The following PCDHGB1 variants were observed in gnomAD, a reference collection of about 807,000 sequenced individuals.
PCDHGB1 encodes the protein protocadherin gamma subfamily B, 1, also known as protocadherin gamma-B1.
PCDHGB1 carries 34 observed loss-of-function variants against 56.6 expected under a neutral mutation model. The observed-to-expected ratio is 0.60, with a 90% CI of 0.46 to 0.80. The LOEUF (loss-of-function observed/expected upper bound fraction) is 0.80, where lower values mean the gene tolerates loss of function less well. PCDHGB1 is among the 30% of genes least tolerant of loss of function. The pLI is 0.00. For synonymous variants in PCDHGB1, 561 were observed against 505.9 expected (o/e 1.11, Z -1.46); for missense variants, 1,278 against 1,204.6 (o/e 1.06, Z -0.90).
In PCDHGB1 at chr5:141,352,498, T is replaced by C; in HGVS notation, c.2238T>C (p.Tyr746=). ...ACCACAGCGAGGGGACTTTGCCCTA[T>C]TCCTACAATCTATGTATTGCCTCTC... ...PPNHSEGTLP[Y]SYNLCIASHS... Residue 746 remains tyrosine (Y), a synonymous_variant, in exon 1 of 4, where the codon TAT becomes TAC. Coordinates refer to ENST00000523390, the MANE Select transcript of PCDHGB1 (RefSeq NM_018922.3). The C allele has an allele frequency of 6.2e-7, 1 of 1,614,030 alleles. No individual in the cohort carries two copies.
At chr5:141,394,785 G>C in intron 1 of PCDHGB1, 2 of 1,613,722 alleles carry the variant, frequency 1.2e-6, no homozygotes, top group South Asian at 2.2e-5. Flanking sequence ...CTCCGCCACT[G>C]TCACGCTCAC....
Position 141,491,478 on chromosome 5 carries a change from C to A in PCDHGB1, c.2410-3329C>A. ...CCCCGGACTTCTATAAGCAGTCCAG[C>A]CCCAACCTGCAGGTGAGCTCGGACG... On this transcript the variant is annotated intron_variant, in intron 1 of 3. Coordinates refer to ENST00000523390, the MANE Select transcript of PCDHGB1 (RefSeq NM_018922.3). The surrounding 1 kb of genome is among the most constrained non-coding windows in gnomAD (Gnocchi z 6.9). 6.2e-7 allele frequency: 1 copy of A among 1,614,068 alleles called. No individual in the cohort carries two copies. Among genetic ancestry groups the A allele is most frequent in the Non-Finnish European group, 8.5e-7 (1 of 1,180,004 alleles).
At chr5:141,354,565 G>A (rs942106227) in intron 1 of PCDHGB1, among the ~76,000 whole-genome samples, 2 of 152,192 alleles carry the variant, frequency 1.3e-5, no homozygotes, top group African/African-American at 2.4e-5. Context: ...GAGGAAACTT[G>A]TTACTGCATA....
intron 1 of PCDHGB1, chr5:141,415,153 G>T: frequency 2.5e-6 from 4 of 1,613,780 alleles, no homozygotes; most frequent in Non-Finnish European, 3.4e-6. Context: ...CCCTCTCTCC[G>T]CCACTGTCAC....
In PCDHGB1 at chr5:141,385,275, A is replaced by G. The variant is rs115152670; in HGVS notation, c.2409+32606A>G. The G allele has an allele frequency of 1.9e-3, 3,011 of 1,613,598 alleles. 48 individuals carry two copies. In the African/African-American group the frequency reaches 0.033, roughly 18 times the overall value. On this transcript the variant is annotated intron_variant, in intron 1 of 3. Coordinates refer to ENST00000523390, the MANE Select transcript of PCDHGB1 (RefSeq NM_018922.3). ...GCTGTGAGAAAAATGATTCTTTGCTAACATCCGTAGATTTTCAGGAATGTA... is the reference window on the plus strand; with the variant it reads ...GCTGTGAGAAAAATGATTCTTTGCTGACATCCGTAGATTTTCAGGAATGTA...
chr5:141,362,655 T>A, intron 1 of PCDHGB1: 1 of 1,397,228 alleles, frequency 7.2e-7, no homozygotes, highest in Non-Finnish European at 9.5e-7. Context: ...GAGTTAGATT[T>A]GGCCAATGTT....
At chr5:141,509,570 G>A (rs2099877371) in intron 3 of PCDHGB1, among the ~76,000 whole-genome samples, 1 of 152,232 alleles carries the variant, frequency 6.6e-6, no homozygotes, top group South Asian at 2.1e-4. Flanking sequence ...AGCCTTCACA[G>A]TGCGTACAAA....
Position 141,352,980 on chromosome 5 carries a change from C to T in PCDHGB1, c.2409+311C>T, listed in dbSNP as rs185018793. 1.3e-3 allele frequency among the ~76,000 whole-genome samples: 196 copies of T among 152,226 alleles called. 1 individual carries two copies. Among genetic ancestry groups the T allele is most frequent in the Non-Finnish European group, 2.3e-3 (154 of 68,014 alleles). On this transcript the variant is annotated intron_variant, in intron 1 of 3. Transcript: ENST00000523390. ...TCCAGCCTGGGTGATGGGAGGGAAACTGTCTAAAAAAACAAACAAACAAAA... is the reference window on the plus strand; with the variant it reads ...TCCAGCCTGGGTGATGGGAGGGAAATTGTCTAAAAAAACAAACAAACAAAA...
At chr5:141,455,860 A>ATTATTTAT (rs145569377) in intron 1 of PCDHGB1, among the ~76,000 whole-genome samples, 155 of 139,844 alleles carry the variant, frequency 1.1e-3, no homozygotes, top group Non-Finnish European at 1.5e-3. Flanking sequence ...AATTTCTTTT[A>ATTATTTAT]TTATTTATTT....
chr5:141,434,948 T>C (rs1486185815), intron 1 of PCDHGB1, among the ~76,000 whole-genome samples: 1 of 151,828 alleles, frequency 6.6e-6, no homozygotes, highest in East Asian at 1.9e-4. Flanking sequence ...ATATAATTTA[T>C]TAACAATTTA....
chr5:141,433,291 T>A, intron 1 of PCDHGB1: 1 of 1,094,048 alleles, frequency 9.1e-7, no homozygotes, highest in Non-Finnish European at 1.3e-6. Flanking sequence ...ACTCCTAGGC[T>A]CAAGCAATTA....
At position 141,477,529 on chromosome 5, in the gene PCDHGB1, C is replaced by G; in HGVS notation, c.2410-17278C>G. ...ACGTTTACATTGAAGAAAACAACCT[C>G]CCCGGGGCTCCAATACTAAACCTAA... On this transcript the variant is annotated intron_variant, in intron 1 of 3. Transcript: ENST00000523390. The surrounding 1 kb of genome is among the most constrained non-coding windows in gnomAD (Gnocchi z 4.9). 6.2e-7 allele frequency: 1 copy of G among 1,614,172 alleles called. No homozygotes were observed. The highest frequency in any genetic ancestry group is 8.5e-7 in the Non-Finnish European group (1 of 1,180,032).
At chr5:141,364,592 G>A in intron 1 of PCDHGB1, 1 of 1,614,210 alleles carries the variant, frequency 6.2e-7, no homozygotes, top group East Asian at 2.2e-5. Flanking sequence ...GGTCACCGCG[G>A]GCAGGATAGA....
chr5:141,355,499 C>T (rs770091797), intron 1 of PCDHGB1: 1 of 1,614,044 alleles, frequency 6.2e-7, no homozygotes, highest in South Asian at 1.1e-5. Context: ...GACAGATCTC[C>T]AAACTGTGTG....
intron 1 of PCDHGB1, chr5:141,383,154 C>T (rs749274128): frequency 1.2e-6 from 2 of 1,613,994 alleles, no homozygotes; most frequent in Non-Finnish European, 1.7e-6. Context: ...GCAGCTTGGT[C>T]ACTGCGGGCA....
In PCDHGB1 at chr5:141,361,776, C is replaced by A. The variant is rs1291853084; in HGVS notation, c.2409+9107C>A. On this transcript the variant is annotated intron_variant, in intron 1 of 3. Transcript: ENST00000523390. ...CGCCCGCGCTCAGCGCCAACGTGAGCCTGCGCGTGTTAGTGGGCGACCTCA... is the reference window on the plus strand; with the variant it reads ...CGCCCGCGCTCAGCGCCAACGTGAGACTGCGCGTGTTAGTGGGCGACCTCA... 1.9e-6 allele frequency: 3 copies of A among 1,613,110 alleles called. No homozygotes were observed. In the East Asian group the frequency reaches 6.7e-5, roughly 36 times the overall value.
At position 141,351,015 on chromosome 5, in the gene PCDHGB1, T is replaced by C. The variant is rs752618753; in HGVS notation, c.755T>C (p.Val252Ala). The C allele has an allele frequency of 1.2e-6, 2 of 1,614,054 alleles. No individual in the cohort carries two copies. Among genetic ancestry groups the C allele is most frequent in the Non-Finnish European group, 1.7e-6 (2 of 1,179,894 alleles). The change falls in exon 1 of 4, where the codon GTA becomes GCA. Residue 252 changes from valine (V) to alanine (A), a missense_variant. Physicochemically the swap from Val to Ala is moderately conservative, Grantham distance 64 (BLOSUM62 0). Transcript: ENST00000523390. ...TACAGGGTTAGCCTCCAAGAAAACG[T>C]ACCGTGGGGAACCTCCGTGCTGCGG... ...EVYRVSLQEN[V>A]PWGTSVLRVM...
chr5:141,370,428 G>T (rs1480841045), intron 1 of PCDHGB1: 2 of 1,598,192 alleles, frequency 1.3e-6, no homozygotes, highest in Non-Finnish European at 1.7e-6. Context: ...GGGCCCAGCA[G>T]GGCAGAGGCG....
chr5:141,432,481 C>G lies in PCDHGB1; in HGVS notation c.2410-62326C>G. 6.2e-7 allele frequency: 1 copy of G among 1,614,198 alleles called. No homozygotes were observed. On this transcript the variant is annotated intron_variant, in intron 1 of 3. Coordinates refer to ENST00000523390, the MANE Select transcript of PCDHGB1 (RefSeq NM_018922.3). This position sits in a 1 kb window ranked among gnomAD's most constrained non-coding sequence, Gnocchi z 6.0. ...CCCTCCCCACGGACGGTTCCACTGG[C>G]GTGGAGCTGGCTCCCCGCTCCGCAG...
Sources: gnomAD v4.1 joint callset for allele counts (sites outside exome capture counted in the v4.1 genomes callset) on GRCh38, gnomAD v4.1.1 for gene constraint, Gnocchi (gnomAD v3.1) non-coding constraint, MANE v1.5 for transcripts, NCBI Gene and HGNC (gene_info 2026-07-23, HGNC 2026-07-21) for gene names.